The following ANKS1B variants were observed in gnomAD, a reference collection of about 807,000 sequenced individuals.
ANKS1B encodes the protein ankyrin repeat and sterile alpha motif domain containing 1B.
ANKS1B carries 36 observed loss-of-function variants against 148.3 expected under a neutral mutation model. The observed-to-expected ratio is 0.24, with a 90% confidence interval of 0.19 to 0.32. The LOEUF (loss-of-function observed/expected upper bound fraction) is 0.32, where lower values mean the gene tolerates loss of function less well. Among genes scored for constraint, ANKS1B ranks in the 10% least tolerant of loss-of-function variants. ANKS1B has a pLI of 1.00. For missense variants in ANKS1B, 1,157 were observed against 1,542.6 expected (o/e 0.75, Z 4.19); for synonymous variants, 542 against 560.8 (o/e 0.97, Z 0.47).
chr12:99,036,177 C>G (rs1407576319), intron 17 of ANKS1B, among the ~76,000 whole-genome samples: 1 of 152,156 alleles, frequency 6.6e-6, no homozygotes, highest in Non-Finnish European at 1.5e-5. Context: ...GGTGTCAATG[C>G]CTGACAACTA....
At chr12:99,491,041 G>C (rs2096549905) in intron 10 of ANKS1B, among the ~76,000 whole-genome samples, 1 of 152,232 alleles carries the variant, frequency 6.6e-6, no homozygotes, top group African/African-American at 2.4e-5. Flanking sequence ...CTTAAGGCTG[G>C]GCGTAGTGGC....
chr12:98,853,989 C>T (rs956710966), intron 17 of ANKS1B, among the ~76,000 whole-genome samples: 1 of 152,156 alleles, frequency 6.6e-6, no homozygotes, highest in African/African-American at 2.4e-5. Flanking sequence ...GGGATGGAGC[C>T]GTGGATTGGC....
chr12:99,758,196 A>T (rs759290261), intron 8 of ANKS1B, among the ~76,000 whole-genome samples: 1 of 151,926 alleles, frequency 6.6e-6, no homozygotes, highest in Non-Finnish European at 1.5e-5. Flanking sequence ...TGTGGGTTAG[A>T]ATTAAGAGAG....
chr12:99,756,913 T>C (rs1567788713), intron 8 of ANKS1B, among the ~76,000 whole-genome samples: 4 of 151,944 alleles, frequency 2.6e-5, no homozygotes, highest in Non-Finnish European at 5.9e-5. Flanking sequence ...ACTGAAACTG[T>C]ACCCCTTCCT....
At chr12:99,787,846 T>C (rs551982785) in intron 4 of ANKS1B, among the ~76,000 whole-genome samples, 2 of 152,194 alleles carry the variant, frequency 1.3e-5, no homozygotes, top group Non-Finnish European at 2.9e-5. Flanking sequence ...TGAGGAACTT[T>C]ACATTGAACT....
At chr12:99,983,812 G>A (rs534938648) in intron 1 of ANKS1B, among the ~76,000 whole-genome samples, 2 of 152,094 alleles carry the variant, frequency 1.3e-5, no homozygotes, top group East Asian at 1.9e-4. Flanking sequence ...GCGGAACGTC[G>A]ATTTTCTTCA....
At chr12:98,797,919 G>T (rs2098964670) in intron 22 of ANKS1B, among the ~76,000 whole-genome samples, 1 of 152,154 alleles carries the variant, frequency 6.6e-6, no homozygotes, top group South Asian at 2.1e-4. Flanking sequence ...TTAGTTAGAT[G>T]CTATATTGAA....
At chr12:99,290,644 T>G (rs906365852) in intron 12 of ANKS1B, among the ~76,000 whole-genome samples, 1 of 151,958 alleles carries the variant, frequency 6.6e-6, no homozygotes, top group Non-Finnish European at 1.5e-5. Context: ...ATGTGATATA[T>G]CATATCAACA....
chr12:99,791,389 TA>T (rs2065637104), intron 4 of ANKS1B, among the ~76,000 whole-genome samples: 1 of 151,810 alleles, frequency 6.6e-6, no homozygotes, highest in African/African-American at 2.4e-5. Flanking sequence ...AATCAACAGA[TA>T]AACATTGGTC....
chr12:99,759,294 G>A (rs1009186145), intron 8 of ANKS1B, among the ~76,000 whole-genome samples: 3 of 151,872 alleles, frequency 2.0e-5, no homozygotes, highest in Non-Finnish European at 4.4e-5. Flanking sequence ...AAAAATCTAA[G>A]CCTGAGATTG....
intron 15 of ANKS1B, among the ~76,000 whole-genome samples, chr12:99,129,292 TGC>T (rs1555280252): frequency 6.6e-6 from 1 of 152,198 alleles, no homozygotes. Flanking sequence ...CATCTGTCAA[TGC>T]ATAGCAGGTC....
At chr12:99,798,993 A>C (rs920543534) in intron 4 of ANKS1B, among the ~76,000 whole-genome samples, 13 of 152,024 alleles carry the variant, frequency 8.6e-5, no homozygotes, top group Admixed American at 2.0e-4. Flanking sequence ...AACAAAACAA[A>C]CAACCAAAGA....
At chr12:98,743,528 G>A (rs1431617465), downstream of ANKS1B, among the ~76,000 whole-genome samples, 1 of 151,506 alleles carries the variant, frequency 6.6e-6, no homozygotes. Context: ...CAATGCATGG[G>A]CCGCCTCTCA....
intron 17 of ANKS1B, among the ~76,000 whole-genome samples, chr12:99,039,016 A>G (rs891527252): frequency 1.1e-4 from 17 of 152,190 alleles, no homozygotes; most frequent in African/African-American, 3.9e-4. Flanking sequence ...TAAGAGCAGG[A>G]GCTCTGTTGG....
intron 12 of ANKS1B, among the ~76,000 whole-genome samples, chr12:99,372,934 C>T (rs2093218469): frequency 6.6e-6 from 1 of 152,056 alleles, no homozygotes; most frequent in Non-Finnish European, 1.5e-5. Context: ...CCTTAATTCC[C>T]TAATTTCTGG....
intron 9 of ANKS1B, among the ~76,000 whole-genome samples, chr12:99,622,202 C>G (rs1205869967): frequency 1.7e-4 from 25 of 151,486 alleles, no homozygotes; most frequent in Admixed American, 1.6e-3. Context: ...GAAATAAAAA[C>G]AGACACAACA....
chr12:99,926,632 T>C (rs2094483315), intron 1 of ANKS1B, among the ~76,000 whole-genome samples: 3 of 152,212 alleles, frequency 2.0e-5, no homozygotes, highest in Non-Finnish European at 4.4e-5. Flanking sequence ...TCTTGGAACT[T>C]GTCAGCCTCC....
chr12:99,309,297 T>C (rs2082814162), intron 12 of ANKS1B, among the ~76,000 whole-genome samples: 1 of 152,078 alleles, frequency 6.6e-6, no homozygotes, highest in Non-Finnish European at 1.5e-5. Flanking sequence ...ATTTGGTTTA[T>C]TTTTCAATTT....
chr12:98,957,315 T>A lies in ANKS1B; in HGVS notation c.2778+95842A>T, dbSNP rs568709769. ...ATGCTCCAGGATTTTTTTTAAATAT[T>A]TATTTATTTATTTATTTATTTATTT... On this transcript the variant is annotated intron_variant, in intron 17 of 26. Transcript: ENST00000683438. 7.7e-4 allele frequency among the ~76,000 whole-genome samples: 24 copies of A among 31,108 alleles called. No individual in the cohort carries two copies. The South Asian group carries it at 9.9e-3, about 13-fold the overall frequency. 20.4% of individuals were successfully genotyped at this position (31,108 alleles called of 152,430 possible).
Sources: allele counts gnomAD v4.1 joint callset (sites outside exome capture counted in the v4.1 genomes callset), GRCh38; gene constraint gnomAD v4.1.1; transcripts MANE v1.5; gene names NCBI Gene and HGNC (gene_info 2026-07-23, HGNC 2026-07-21).